Variants in GATAD2A observed in about 807,000 individuals in gnomAD.
GATAD2A encodes the protein GATA zinc finger domain containing 2A, also known as transcriptional repressor p66-alpha.
A neutral mutation model predicts 68.5 loss-of-function variants in GATAD2A; 12 were observed. The observed-to-expected ratio is 0.18, with a 90% CI of 0.11 to 0.28. GATAD2A has a LOEUF of 0.28. Among genes scored for constraint, GATAD2A ranks in the 10% least tolerant of loss-of-function variants. The pLI is 1.00. For missense variants in GATAD2A, 755 were observed against 868.5 expected, an observed-to-expected ratio of 0.87 and a Z score of 1.64; for synonymous variants, 410 against 375.3, an observed-to-expected ratio of 1.09 and a Z score of -1.07.
intron 2 of GATAD2A, chr19:19,472,293 T>C (rs2058368160): frequency 6.6e-6 from 1 of 152,152 alleles, no homozygotes; most frequent in Non-Finnish European, 1.5e-5. Flanking sequence ...TCTTCAGAAA[T>C]AACTGGCCAC....
At chr19:19,406,759 C>T (rs1337207494) in intron 1 of GATAD2A, among the ~76,000 whole-genome samples, 1 of 152,186 alleles carries the variant, frequency 6.6e-6, no homozygotes, top group African/African-American at 2.4e-5. Flanking sequence ...TTGATCACTT[C>T]AACAAGGAAA....
At chr19:19,474,045 C>G (rs1251865849) in intron 2 of GATAD2A, 1 of 985,204 alleles carries the variant, frequency 1.0e-6, no homozygotes, top group Non-Finnish European at 1.2e-6. Context: ...ATCCAGCCAC[C>G]CAGTTGTCCA....
chr19:19,485,149 TG>T (rs1333943676), intron 2 of GATAD2A, among the ~76,000 whole-genome samples: 2 of 152,226 alleles, frequency 1.3e-5, no homozygotes, highest in Non-Finnish European at 2.9e-5. Context: ...GGTAGTTACT[TG>T]GGTAAACCCT....
At position 19,453,669 on chromosome 19, in the gene GATAD2A, AT is replaced by A. The variant is rs201852233; in HGVS notation, c.-6-11664del. ...TACCACCACAACTGGCTATTTTTTAATTTTTTTAAAATTTTTTTTTTTTTTG... is the reference window on the plus strand; with the variant it reads ...TACCACCACAACTGGCTATTTTTTAATTTTTTAAAATTTTTTTTTTTTTTG... On this transcript the variant is annotated intron_variant, in intron 1 of 11. Coordinates refer to ENST00000683918, the MANE Select transcript of GATAD2A (RefSeq NM_001384528.1). Among the ~76,000 whole-genome samples, 295 of 143,398 alleles carry A rather than the reference AT, an allele frequency of 2.1e-3. 2 individuals are homozygous for A. The highest frequency in any genetic ancestry group is 0.017 in the South Asian group (73 of 4,392). 94.1% of individuals were successfully genotyped at this position (143,398 alleles called of 152,430 possible). A position where few individuals can be genotyped will look rare whatever the true frequency, so the allele number is the denominator to read the frequency against.
chr19:19,444,653 T>C (rs1167747390), intron 1 of GATAD2A, among the ~76,000 whole-genome samples: 1 of 152,112 alleles, frequency 6.6e-6, no homozygotes, highest in Non-Finnish European at 1.5e-5. Flanking sequence ...TGTGGATCTC[T>C]TGGGCCCAGG....
chr19:19,396,206 A>G (rs1298206664), intron 1 of GATAD2A, among the ~76,000 whole-genome samples: 3 of 152,054 alleles, frequency 2.0e-5, no homozygotes, highest in Non-Finnish European at 4.4e-5. Flanking sequence ...CCCAGTTACT[A>G]GGGAGGTTGA....
intron 6 of GATAD2A, 68 bp from the exon 7 acceptor site, chr19:19,495,984 T>C (rs1055144788): frequency 6.3e-7 from 1 of 1,584,446 alleles, no homozygotes; most frequent in African/African-American, 1.3e-5. Flanking sequence ...AGGTGCCCTG[T>C]GCCTTCCGGT....
intron 4 of GATAD2A, among the ~76,000 whole-genome samples, chr19:19,493,749 C>T (rs1393593405): frequency 1.3e-5 from 2 of 151,456 alleles, no homozygotes; most frequent in African/African-American, 2.4e-5. Context: ...CCCTCCCCGC[C>T]CCCCACCTTA....
rs1047643365 is a variant in GATAD2A at position 19,501,372 on chromosome 19, G to T, written c.1459G>T (p.Ala487Ser). The change falls in exon 9 of 12, where the codon GCC becomes TCC. Residue 487 changes from alanine (A) to serine (S), a missense_variant. Ala to Ser is a moderately conservative substitution (Grantham distance 99). Transcript: ENST00000683918. ...GCAGCAGGGCACGGCCCCTGCACAGGCCAAGGCCGAGCCCACCGCTGCCCC... is the reference window on the plus strand; with the variant it reads ...GCAGCAGGGCACGGCCCCTGCACAGTCCAAGGCCGAGCCCACCGCTGCCCC... ...LLQQGTAPAQ[A>S]KAEPTAAPHP... The T allele has an allele frequency of 6.2e-7, 1 of 1,610,002 alleles. No homozygotes were observed. Among genetic ancestry groups the T allele is most frequent in the Non-Finnish European group, 8.5e-7 (1 of 1,178,830 alleles).
upstream of GATAD2A, among the ~76,000 whole-genome samples, chr19:19,404,862 C>T (rs1401452278): frequency 2.0e-5 from 3 of 152,048 alleles, no homozygotes; most frequent in East Asian, 5.8e-4. Context: ...TGAAAAGAGG[C>T]GGTTTTGGGG....
chr19:19,507,242 T>G lies in GATAD2A; in HGVS notation c.*1768T>G, dbSNP rs1351678489. 7.2e-6 allele frequency: 1 copy of G among 138,802 alleles called. No individual in the cohort carries two copies. Among genetic ancestry groups the G allele is most frequent in the Admixed American group, 7.6e-5 (1 of 13,128 alleles). The allele number at this position is 138,802 out of a possible 1,614,324, so 8.6% of individuals were successfully genotyped here. A position where few individuals can be genotyped will look rare whatever the true frequency, so the allele number is the denominator to read the frequency against. On this transcript the variant is annotated 3_prime_UTR_variant, in exon 12 of 12. Transcript: ENST00000683918. ...TTTGGGGTGGGAGGGGAGGGTGTGTTTTTTACACCAAAAAAAAAAAAAAAA... is the reference window on the plus strand; with the variant it reads ...TTTGGGGTGGGAGGGGAGGGTGTGTGTTTTACACCAAAAAAAAAAAAAAAA...
intron 1 of GATAD2A, chr19:19,435,258 G>A: frequency 2.4e-6 from 1 of 418,372 alleles, no homozygotes; most frequent in East Asian, 6.6e-5. Flanking sequence ...GTCTCACTCT[G>A]TCGCCCAGGT....
At chr19:19,503,578 G>A (rs955721238) in intron 11 of GATAD2A, among the ~76,000 whole-genome samples, 3 of 152,072 alleles carry the variant, frequency 2.0e-5, no homozygotes, top group Non-Finnish European at 4.4e-5. Context: ...AGTTTGAAAG[G>A]ATAAGAAAGA....
intron 1 of GATAD2A, among the ~76,000 whole-genome samples, chr19:19,457,397 C>T (rs2057029904): frequency 6.6e-6 from 1 of 152,132 alleles, no homozygotes; most frequent in South Asian, 2.1e-4. Context: ...GTATGCAGCT[C>T]TCCTTTGAGC....
chr19:19,482,841 C>G (rs2059150666), intron 2 of GATAD2A, among the ~76,000 whole-genome samples: 1 of 152,188 alleles, frequency 6.6e-6, no homozygotes, highest in African/African-American at 2.4e-5. Context: ...GTGGCCTCCC[C>G]CATGGTGTCA....
chr19:19,453,584 C>G (rs959447059), intron 1 of GATAD2A, among the ~76,000 whole-genome samples: 10 of 152,004 alleles, frequency 6.6e-5, no homozygotes, highest in African/African-American at 2.4e-4. Flanking sequence ...CAGCCTTGAC[C>G]TCCTGGATTC....
At chr19:19,433,687 G>A (rs1184628739) in intron 1 of GATAD2A, among the ~76,000 whole-genome samples, 1 of 152,190 alleles carries the variant, frequency 6.6e-6, no homozygotes, top group Non-Finnish European at 1.5e-5. Context: ...AACATGTTCA[G>A]AGAGTGTATA....
chr19:19,479,794 G>C (rs1032549950), intron 2 of GATAD2A, among the ~76,000 whole-genome samples: 1 of 144,494 alleles, frequency 6.9e-6, no homozygotes, highest in Non-Finnish European at 1.5e-5. Flanking sequence ...TTTCCATACT[G>C]TCCTCTTTGG....
At chr19:19,419,783 T>A (rs562532235) in intron 1 of GATAD2A, among the ~76,000 whole-genome samples, 1 of 152,172 alleles carries the variant, frequency 6.6e-6, no homozygotes, top group South Asian at 2.1e-4. Flanking sequence ...CCCAAAGTGC[T>A]GAGACAGGTG....
Sources: gnomAD v4.1 joint callset for allele counts (sites outside exome capture counted in the v4.1 genomes callset) on GRCh38, gnomAD v4.1.1 for gene constraint, MANE v1.5 for transcripts, NCBI Gene and HGNC (gene_info 2026-07-23, HGNC 2026-07-21) for gene names.